Variants in MCCC2 observed in about 807,000 individuals in gnomAD.
MCCC2 encodes the protein methylcrotonoyl-CoA carboxylase beta chain, mitochondrial.
Under a neutral mutation model 77.2 loss-of-function variants are expected in MCCC2, and 52 were observed. The observed-to-expected ratio is 0.67, with a 90% confidence interval of 0.54 to 0.85. MCCC2 has a LOEUF of 0.85. MCCC2 is among the 40% of genes least tolerant of loss of function. The pLI is 0.00. For synonymous variants in MCCC2, 253 were observed against 248.4 expected, an observed-to-expected ratio of 1.02 and a Z score of -0.18; for missense variants, 682 against 703.2, an observed-to-expected ratio of 0.97 and a Z score of 0.34.
At chr5:71,600,026 A>G (rs1035317575) in intron 4 of MCCC2, among the ~76,000 whole-genome samples, 2 of 151,966 alleles carry the variant, frequency 1.3e-5, no homozygotes, top group Admixed American at 6.6e-5. Context: ...ATAAGCCGGC[A>G]TGGTGGCACA....
At chr5:71,625,414 G>A (rs952840125) in intron 6 of MCCC2, among the ~76,000 whole-genome samples, 2 of 152,182 alleles carry the variant, frequency 1.3e-5, no homozygotes, top group Non-Finnish European at 2.9e-5. Context: ...CTCCCTGGGT[G>A]TATTAAGTGT....
At chr5:71,638,828 T>G (rs534980811) in intron 10 of MCCC2, among the ~76,000 whole-genome samples, 1 of 152,268 alleles carries the variant, frequency 6.6e-6, no homozygotes, top group South Asian at 2.1e-4. Context: ...GCCCAGGAAA[T>G]GTATTTCTTA....
At chr5:71,649,735 T>G (rs1270573178) in intron 14 of MCCC2, among the ~76,000 whole-genome samples, 1 of 152,226 alleles carries the variant, frequency 6.6e-6, no homozygotes, top group African/African-American at 2.4e-5. Flanking sequence ...CTTGATAATC[T>G]TATGCTTAAA....
At chr5:71,602,903 A>G in intron 5 of MCCC2, 1 of 452,402 alleles carries the variant, frequency 2.2e-6, no homozygotes, top group South Asian at 2.7e-5. Context: ...TGTTCTCTAG[A>G]TCCTGTTTTT....
rs539474912 is a variant in MCCC2, at chr5:71,622,213, A to G, written c.625-4427A>G. On this transcript the variant is annotated intron_variant, in intron 6 of 16. Transcript: ENST00000340941. ...AGTGAGCTTTGTCCAGTGTAGGCTC[A>G]TGTAACGTCTTTGTTGTACCACAGA... Among the ~76,000 whole-genome samples the G allele has an allele frequency of 3.5e-4, 53 of 152,076 alleles. No homozygotes were observed. The South Asian group carries it at 0.011, about 30-fold the overall frequency.
chr5:71,599,642 T>A lies in MCCC2; in HGVS notation c.282-17T>A, dbSNP rs764852617. On this transcript the variant is annotated splice_polypyrimidine_tract_variant and intron_variant, in intron 3 of 16. Coordinates refer to ENST00000340941, the MANE Select transcript of MCCC2 (RefSeq NM_022132.5). ...TTTAATGACATTAATTCAAACAACA[T>A]CCTTTCTTCGCTTTAGGTCTCCATT... 1 of 1,594,706 alleles carries A rather than the reference T, an allele frequency of 6.3e-7. No homozygotes were observed. The highest frequency in any genetic ancestry group is 1.1e-5 in the South Asian group (1 of 90,712).
chr5:71,649,836 T>C (rs1484574847), intron 14 of MCCC2, among the ~76,000 whole-genome samples: 1 of 152,148 alleles, frequency 6.6e-6, no homozygotes, highest in Non-Finnish European at 1.5e-5. Context: ...TTATGAACGC[T>C]TTTATACCCA....
chr5:71,654,083 T>C (rs925345611), intron 16 of MCCC2, among the ~76,000 whole-genome samples: 5 of 152,152 alleles, frequency 3.3e-5, no homozygotes, highest in Non-Finnish European at 7.4e-5. Context: ...CTGCAATCTC[T>C]GCCTCCCGGA....
chr5:71,641,399 A>C, intron 11 of MCCC2: 1 of 330,860 alleles, frequency 3.0e-6, no homozygotes, highest in East Asian at 7.9e-5. Context: ...TCTGGATAAC[A>C]ATAATTATTT....
chr5:71,626,875 C>G, intron 7 of MCCC2, 122 bp downstream of exon 7: 1 of 935,324 alleles, frequency 1.1e-6, no homozygotes, highest in South Asian at 1.4e-5. Context: ...ATAAAACTTA[C>G]TGTTGTAACC....
rs1747514340 is a variant in MCCC2 at position 71,653,992 on chromosome 5, G to A, written c.1574+1238G>A. Reference sequence around the variant, plus strand: ...AATAATACCATTTGGGTGTGTGTATGTGTTTTTGTTTTTGTTTTCTTTAAA... The same window carrying A: ...AATAATACCATTTGGGTGTGTGTATATGTTTTTGTTTTTGTTTTCTTTAAA... On this transcript the variant is annotated intron_variant, in intron 16 of 16. Transcript: ENST00000340941. Among the ~76,000 whole-genome samples, 3 of 152,062 alleles carry A rather than the reference G, an allele frequency of 2.0e-5. No homozygotes were observed. In the South Asian group the frequency reaches 6.2e-4, roughly 31 times the overall value.
intron 10 of MCCC2, chr5:71,636,802 C>T (rs1580321553): frequency 6.6e-6 from 1 of 151,860 alleles, no homozygotes; most frequent in African/African-American, 2.4e-5. Context: ...GAGAATTCAC[C>T]CTTTTTCGTG....
At chr5:71,598,926 A>AT (rs36035922) in intron 3 of MCCC2, among the ~76,000 whole-genome samples, 45,394 of 147,020 alleles carry the variant, frequency 0.31, 7,755 homozygotes, top group East Asian at 0.51. Flanking sequence ...TGTGTTGAAA[A>AT]TTTTTTTTTT....
At chr5:71,601,401 G>A (rs1745424316) in intron 4 of MCCC2, among the ~76,000 whole-genome samples, 2 of 152,180 alleles carry the variant, frequency 1.3e-5, no homozygotes, top group African/African-American at 2.4e-5. Flanking sequence ...TTATGGCCCA[G>A]CAACCTATGA....
At chr5:71,628,677 AC>A (rs373481432) in intron 7 of MCCC2, among the ~76,000 whole-genome samples, 10 of 152,246 alleles carry the variant, frequency 6.6e-5, no homozygotes, top group African/African-American at 1.4e-4. Context: ...AAAAACTTTT[AC>A]TTATTTTTTC....
chr5:71,635,690 T>G (rs1746890486), intron 10 of MCCC2: 1 of 300,308 alleles, frequency 3.3e-6, no homozygotes, highest in Non-Finnish European at 6.4e-6. Context: ...CAGTTGAAAA[T>G]GTTGCTATGG....
intron 12 of MCCC2, 123 bp downstream of exon 12, chr5:71,644,018 A>G (rs1412625133): frequency 3.8e-6 from 4 of 1,049,176 alleles, no homozygotes; most frequent in Non-Finnish European, 5.6e-6. Context: ...CAACCAGAAC[A>G]CTGTGTGCGC....
chr5:71,605,540 C>G (rs958877629), intron 6 of MCCC2, among the ~76,000 whole-genome samples: 10 of 150,460 alleles, frequency 6.6e-5, no homozygotes, highest in East Asian at 3.9e-4. Flanking sequence ...CCTGTTCACT[C>G]TGATGGTAGT....
intron 1 of MCCC2, 129 bp downstream of exon 1, chr5:71,587,683 TGAA>T: frequency 7.8e-7 from 1 of 1,285,716 alleles, no homozygotes; most frequent in Admixed American, 2.3e-5. Flanking sequence ...ACGTGAAGTT[TGAA>T]GAAGAAAAGC....
Sources: allele counts gnomAD v4.1 joint callset (sites outside exome capture counted in the v4.1 genomes callset), GRCh38; gene constraint gnomAD v4.1.1; transcripts MANE v1.5; gene names NCBI Gene and HGNC (gene_info 2026-07-23, HGNC 2026-07-21).